Variants in SLCO3A1 observed in about 807,000 individuals in gnomAD.
SLCO3A1 encodes solute carrier organic anion transporter family member 3A1.
SLCO3A1 carries 27 observed loss-of-function variants against 63.1 expected under a neutral mutation model. The observed-to-expected ratio is 0.43, with a 90% CI of 0.32 to 0.59. The LOEUF is 0.59. Among genes scored for constraint, SLCO3A1 ranks in the 20% least tolerant of loss-of-function variants. SLCO3A1 has a pLI of 0.09. For synonymous variants in SLCO3A1, 473 were observed against 409.9 expected, an observed-to-expected ratio of 1.15 and a Z score of -1.86; for missense variants, 773 against 945.8, an observed-to-expected ratio of 0.82 and a Z score of 2.40.
chr15:92,095,129 G>A (rs1596096036), intron 3 of SLCO3A1, 150 bp downstream of exon 3: 2 of 595,944 alleles, frequency 3.4e-6, no homozygotes, highest in African/African-American at 3.7e-5. Flanking sequence ...GAGATTAGAT[G>A]AAAGAACGTG....
intron 4 of SLCO3A1, among the ~76,000 whole-genome samples, chr15:92,107,848 C>G (rs751734690): frequency 6.6e-6 from 1 of 152,230 alleles, no homozygotes. Flanking sequence ...AAATCCAGCT[C>G]AGTCGCTTCT....
chr15:91,902,982 A>G (rs548932725), intron 1 of SLCO3A1, among the ~76,000 whole-genome samples: 2 of 152,382 alleles, frequency 1.3e-5, no homozygotes, highest in South Asian at 2.1e-4. Context: ...ATTCATCTAC[A>G]TAGTGATAGC....
intron 2 of SLCO3A1, among the ~76,000 whole-genome samples, chr15:92,020,205 TACACACACACACTATATATAC>T (rs1597228147): frequency 6.6e-6 from 1 of 150,420 alleles, no homozygotes; most frequent in Non-Finnish European, 1.5e-5. Flanking sequence ...TGTGTATATA[TACACACACACACTATATATAC>T]ACACACACAC....
chr15:91,986,576 C>G (rs1194177354), intron 2 of SLCO3A1, among the ~76,000 whole-genome samples: 1 of 150,622 alleles, frequency 6.6e-6, no homozygotes. Flanking sequence ...ACTAGTGAGA[C>G]GTTTACATTC....
intron 2 of SLCO3A1, among the ~76,000 whole-genome samples, chr15:91,940,756 T>C (rs1353277339): frequency 1.3e-5 from 2 of 152,164 alleles, no homozygotes; most frequent in Non-Finnish European, 2.9e-5. Context: ...AGAGAATGAA[T>C]GCCCTGTGTA....
intron 2 of SLCO3A1, among the ~76,000 whole-genome samples, chr15:92,089,851 T>C (rs908952697): frequency 2.0e-5 from 3 of 152,160 alleles, no homozygotes; most frequent in Admixed American, 2.0e-4. Flanking sequence ...TAAGTTGAGA[T>C]AATAAGCTTC....
intron 2 of SLCO3A1, among the ~76,000 whole-genome samples, chr15:91,957,434 G>C (rs1423444449): frequency 6.6e-6 from 1 of 151,728 alleles, no homozygotes; most frequent in Non-Finnish European, 1.5e-5. Context: ...GGCCCATGAG[G>C]CCCTCTGTGA....
chr15:92,073,794 A>T (rs539384769), intron 2 of SLCO3A1, among the ~76,000 whole-genome samples: 1 of 152,330 alleles, frequency 6.6e-6, no homozygotes, highest in South Asian at 2.1e-4. Flanking sequence ...CCATTGTGAC[A>T]AGCAAAACTG....
chr15:91,882,375 C>A lies in SLCO3A1; in HGVS notation c.180+28287C>A, dbSNP rs1359141679. Among the ~76,000 whole-genome samples the A allele has an allele frequency of 1.5e-4, 23 of 152,178 alleles. No individual in the cohort carries two copies. Among genetic ancestry groups the A allele is most frequent in the Admixed American group, 1.5e-3 (23 of 15,276 alleles). On this transcript the variant is annotated intron_variant, in intron 1 of 9. Transcript: ENST00000318445. This position sits in a 1 kb window ranked among gnomAD's most constrained non-coding sequence, Gnocchi z 4.4. Reference sequence around the variant, plus strand: ...TGCTTCTCTTTGTGTTCATAGCTCCCAGTTTAAGGTTGGACACTTGGTAGC... The same window carrying A: ...TGCTTCTCTTTGTGTTCATAGCTCCAAGTTTAAGGTTGGACACTTGGTAGC...
rs1900101065 is a variant in SLCO3A1 at position 91,954,415 on chromosome 15, T to G, written c.646+37957T>G. Among the ~76,000 whole-genome samples the G allele has an allele frequency of 6.6e-6, 1 of 152,146 alleles. No homozygotes were observed. The highest frequency in any genetic ancestry group is 1.5e-5 in the Non-Finnish European group (1 of 68,022). ...GCGGGTACTGCACAGAGTGAGGCAG[T>G]CAGAAGTCCTGCCCTCTGCAGTTTC... On this transcript the variant is annotated intron_variant, in intron 2 of 9. Coordinates refer to ENST00000318445, the MANE Select transcript of SLCO3A1 (RefSeq NM_013272.4). This position sits in a 1 kb window ranked among gnomAD's most constrained non-coding sequence, Gnocchi z 4.7.
Position 92,163,562 on chromosome 15 carries a change from A to G in SLCO3A1, c.*427A>G. 1.0e-6 allele frequency: 1 copy of G among 984,640 alleles called. No homozygotes were observed. The highest frequency in any genetic ancestry group is 1.2e-6 in the Non-Finnish European group (1 of 829,272). 61.0% of individuals were successfully genotyped at this position (984,640 alleles called of 1,614,324 possible). A position where few individuals can be genotyped will look rare whatever the true frequency, so the allele number is the denominator to read the frequency against. On this transcript the variant is annotated 3_prime_UTR_variant, in exon 10 of 10. Transcript: ENST00000318445. ...TTCCTAAAATAAAAAAAATTAAAAAAAAAAAACCCACAAGTTGAAAACATT... is the reference window on the plus strand; with the variant it reads ...TTCCTAAAATAAAAAAAATTAAAAAGAAAAAACCCACAAGTTGAAAACATT...
rs1355292115 is a variant in SLCO3A1, at chr15:91,995,780, GA to G, written c.646+79332del. On this transcript the variant is annotated intron_variant, in intron 2 of 9. Transcript: ENST00000318445. ...TGTACATGTCTGTATACACAAGATG[GA>G]AAAAAAAAAGTTCATAAAGTATAAT... Among the ~76,000 whole-genome samples the G allele has an allele frequency of 1.6e-3, 205 of 128,282 alleles. 3 individuals are homozygous for G. The highest frequency in any genetic ancestry group is 2.7e-3 in the African/African-American group (92 of 34,228). The allele number at this position is 128,282 out of a possible 152,430, so 84.2% of individuals were successfully genotyped here. A position where few individuals can be genotyped will look rare whatever the true frequency, so the allele number is the denominator to read the frequency against.
intron 2 of SLCO3A1, among the ~76,000 whole-genome samples, chr15:92,044,704 G>A (rs1045554322): frequency 1.3e-5 from 2 of 152,160 alleles, no homozygotes; most frequent in African/African-American, 4.8e-5. Context: ...CTGCCTAGGA[G>A]GCTGCAGTGG....
chr15:92,075,232 C>T (rs1180901808), intron 2 of SLCO3A1, among the ~76,000 whole-genome samples: 1 of 152,176 alleles, frequency 6.6e-6, no homozygotes, highest in African/African-American at 2.4e-5. Flanking sequence ...TGACAGTGTT[C>T]CAGCCTTGCT....
At chr15:91,889,020 A>AAG (rs1897799944) in intron 1 of SLCO3A1, 2 of 480,560 alleles carry the variant, frequency 4.2e-6, no homozygotes, top group Admixed American at 9.5e-5. Context: ...AAAAAAAAAA[A>AAG]GAAAAGAAAA....
intron 9 of SLCO3A1, among the ~76,000 whole-genome samples, chr15:92,157,464 C>G (rs1016620738): frequency 6.6e-6 from 1 of 151,544 alleles, no homozygotes; most frequent in East Asian, 1.9e-4. Context: ...ACCTGATTAT[C>G]CTCTAAAACT....
intron 2 of SLCO3A1, among the ~76,000 whole-genome samples, chr15:91,951,581 A>T (rs1284438395): frequency 7.1e-6 from 1 of 141,668 alleles, no homozygotes; most frequent in Non-Finnish European, 1.5e-5. Context: ...TTTGAGACAG[A>T]GTCTCACTTT....
In SLCO3A1 at chr15:91,853,863, G is replaced by A. The variant is rs1374246939; in HGVS notation, c.-46G>A. ...GCAGCGGCCCCGACACCCGGGGCGA[G>A]CGGGAAAGCGGCAGCGGCGGCGGCG... On this transcript the variant is annotated 5_prime_UTR_variant, in exon 1 of 10. Transcript: ENST00000318445. The A allele has an allele frequency of 6.3e-6, 8 of 1,269,516 alleles. No individual in the cohort carries two copies. The highest frequency in any genetic ancestry group is 6.9e-6 in the Non-Finnish European group (7 of 1,009,054). 78.6% of individuals were successfully genotyped at this position (1,269,516 alleles called of 1,614,324 possible).
In SLCO3A1 at chr15:91,948,659, T is replaced by G. The variant is rs549886332; in HGVS notation, c.646+32201T>G. On this transcript the variant is annotated intron_variant, in intron 2 of 9. Transcript: ENST00000318445. The surrounding 1 kb of genome is among the most constrained non-coding windows in gnomAD (Gnocchi z 4.8). ...CTCTGGTGCCCTGTGTTTACAGACA[T>G]GAGGGCTGGGTTTTCCTGCCCTGAG... 6.6e-6 allele frequency among the ~76,000 whole-genome samples: 1 copy of G among 152,288 alleles called. No individual in the cohort carries two copies. The highest frequency in any genetic ancestry group is 1.5e-5 in the Non-Finnish European group (1 of 68,018).
Sources: gnomAD v4.1 joint callset for allele counts (sites outside exome capture counted in the v4.1 genomes callset) on GRCh38, gnomAD v4.1.1 for gene constraint, Gnocchi (gnomAD v3.1) non-coding constraint, MANE v1.5 for transcripts, NCBI Gene and HGNC (gene_info 2026-07-23, HGNC 2026-07-21) for gene names.